The following CCDC7 variants were observed in gnomAD, a reference collection of about 807,000 sequenced individuals.
CCDC7 encodes coiled-coil domain containing 7, also known as coiled-coil domain-containing protein 7.
CCDC7 carries 183 observed loss-of-function variants against 196.9 expected under a neutral mutation model. That is an observed-to-expected ratio of 0.93 (90% CI 0.82 to 1.05). CCDC7 has a LOEUF of 1.05. Ranked by LOEUF, CCDC7 falls within the 50% of genes least tolerant of loss-of-function variation. The pLI, the probability that CCDC7 is intolerant of heterozygous loss-of-function variation, is 0.00. For synonymous variants in CCDC7, 525 were observed against 484.6 expected (o/e 1.08, Z -1.10); for missense variants, 1,540 against 1,482.2 (o/e 1.04, Z -0.64).
chr10:32,722,450 G>A (rs574242583), intron 25 of CCDC7, among the ~76,000 whole-genome samples: 2 of 152,228 alleles, frequency 1.3e-5, no homozygotes, highest in Admixed American at 6.6e-5. Flanking sequence ...TGGGCTAGAA[G>A]TCTGGGATCA....
At chr10:32,565,502 T>C (rs1333219612) in intron 13 of CCDC7, 56 bp from the exon 15 acceptor site, 2 of 1,557,780 alleles carry the variant, frequency 1.3e-6, no homozygotes, top group Non-Finnish European at 1.7e-6. Context: ...CTGGTAAAAC[T>C]AAATTAATTA....
At chr10:32,507,506 A>G (rs138886201) in intron 9 of CCDC7, among the ~76,000 whole-genome samples, 1,618 of 152,258 alleles carry the variant, frequency 0.011, 19 homozygotes, top group Non-Finnish European at 0.016. Flanking sequence ...GCTGGAGTGC[A>G]GTGGTGCAAT....
chr10:32,815,148 T>C (rs1042630947), intron 31 of CCDC7, among the ~76,000 whole-genome samples: 1 of 152,094 alleles, frequency 6.6e-6, no homozygotes, highest in African/African-American at 2.4e-5. Context: ...TTTGCTATAA[T>C]ACATTATCTA....
intron 18 of CCDC7, among the ~76,000 whole-genome samples, chr10:32,611,671 A>C (rs182658368): frequency 1.9e-3 from 282 of 152,334 alleles, no homozygotes; most frequent in Middle Eastern, 0.014. Flanking sequence ...CATTTATTAA[A>C]TAGGGAATCC....
exon 1 of CCDC7, chr10:32,446,310 T>C (rs1281447006): frequency 6.6e-6 from 1 of 152,316 alleles, no homozygotes; most frequent in Admixed American, 6.5e-5. Flanking sequence ...AGGCTCGGAA[T>C]TGTCATCTTC....
At chr10:32,453,360 A>G in exon 2 of CCDC7, 1 of 1,504,766 alleles carries the variant, frequency 6.6e-7, no homozygotes, top group South Asian at 1.5e-5. Flanking sequence ...TCCACTTTGG[A>G]AGAAACCTAT....
intron 20 of CCDC7, among the ~76,000 whole-genome samples, chr10:32,653,040 C>A (rs1192136254): frequency 6.6e-6 from 1 of 152,180 alleles, no homozygotes; most frequent in Non-Finnish European, 1.5e-5. Flanking sequence ...CGTTATCTTC[C>A]CTTCATGTTA....
At chr10:32,748,649 T>C (rs73243817) in intron 28 of CCDC7, among the ~76,000 whole-genome samples, 8,064 of 152,254 alleles carry the variant, frequency 0.053, 711 homozygotes, top group African/African-American at 0.18. Context: ...CTCAATCTTT[T>C]GGTGATCCTG....
intron 3 of CCDC7, among the ~76,000 whole-genome samples, chr10:32,461,733 A>G (rs3004207): frequency 0.21 from 17,309 of 83,984 alleles, 1,657 homozygotes; most frequent in East Asian, 0.5. Context: ...ATATATATGT[A>G]TATATATATA....
At chr10:32,581,072 A>G (rs2058690161) in intron 16 of CCDC7, among the ~76,000 whole-genome samples, 1 of 152,124 alleles carries the variant, frequency 6.6e-6, no homozygotes, top group African/African-American at 2.4e-5. Flanking sequence ...CAGAGTTAAC[A>G]AATGCTTTTG....
intron 28 of CCDC7, among the ~76,000 whole-genome samples, chr10:32,756,494 G>A (rs2076471203): frequency 6.6e-6 from 1 of 152,130 alleles, no homozygotes; most frequent in African/African-American, 2.4e-5. Flanking sequence ...TTCATATCCA[G>A]CCAAACTAAG....
rs60222354 is a variant in CCDC7, at chr10:32,460,094, C to A, written c.457-2589C>A. Among the ~76,000 whole-genome samples, 725 of 152,100 alleles carry A rather than the reference C, an allele frequency of 4.8e-3. 12 individuals carry two copies. The highest frequency in any genetic ancestry group is 0.017 in the African/African-American group (701 of 41,486). On this transcript the variant is annotated intron_variant, in intron 3 of 41. Transcript: ENST00000639629. ...GCAAGAAACAATCACAAAACAAATA[C>A]AAATCATAAAAGGCAATATTGATAA...
At chr10:32,644,503 C>T (rs1466244084) in intron 20 of CCDC7, among the ~76,000 whole-genome samples, 3 of 152,118 alleles carry the variant, frequency 2.0e-5, no homozygotes, top group Non-Finnish European at 4.4e-5. Context: ...TAGGTTCATC[C>T]ATGTTGTTGC....
intron 18 of CCDC7, among the ~76,000 whole-genome samples, chr10:32,597,542 A>G (rs2060521394): frequency 6.6e-6 from 1 of 152,144 alleles, no homozygotes; most frequent in Non-Finnish European, 1.5e-5. Context: ...GTCATTCTCC[A>G]TCCAGCTTTG....
exon 31 of CCDC7, chr10:32,814,409 A>C: frequency 6.2e-7 from 1 of 1,612,498 alleles, no homozygotes; most frequent in Non-Finnish European, 8.5e-7. Context: ...TTTGGAAGAG[A>C]TATACTAAAG....
At chr10:32,549,908 T>G (rs111986230) in intron 13 of CCDC7, among the ~76,000 whole-genome samples, 2,885 of 152,266 alleles carry the variant, frequency 0.019, 41 homozygotes, top group Non-Finnish European at 0.026. Context: ...TCTGTTTTGG[T>G]TCCATATGAA....
intron 20 of CCDC7, among the ~76,000 whole-genome samples, chr10:32,660,232 G>A (rs1210046270): frequency 1.4e-5 from 2 of 140,802 alleles, no homozygotes; most frequent in East Asian, 4.1e-4. Flanking sequence ...CCACTAACTC[G>A]TCATCTAGCA....
intron 28 of CCDC7, among the ~76,000 whole-genome samples, chr10:32,741,095 G>C (rs879875086): frequency 8.8e-4 from 134 of 152,124 alleles, no homozygotes; most frequent in Non-Finnish European, 1.4e-3. Context: ...CTAATAAGTT[G>C]TAAAAATGAG....
intron 25 of CCDC7, among the ~76,000 whole-genome samples, chr10:32,724,307 C>T (rs572684020): frequency 6.6e-6 from 1 of 152,214 alleles, no homozygotes; most frequent in Non-Finnish European, 1.5e-5. Flanking sequence ...CCTCGGGGTT[C>T]TTTTCTTTTC....
Sources: gnomAD v4.1 joint callset for allele counts (sites outside exome capture counted in the v4.1 genomes callset) on GRCh38, gnomAD v4.1.1 for gene constraint, MANE v1.5 for transcripts, NCBI Gene and HGNC (gene_info 2026-07-23, HGNC 2026-07-21) for gene names.